RANBP2: variants seen among roughly 807,000 people sequenced by gnomAD.
The protein encoded by RANBP2 is RAN binding protein 2.
RANBP2 carries 57 observed loss-of-function variants against 303.6 expected under a neutral mutation model. The ratio of observed to expected loss-of-function variants is 0.19; its 90% CI spans 0.15 to 0.23. The LOEUF is 0.23. Among genes scored for constraint, RANBP2 ranks in the 10% least tolerant of loss-of-function variants. The pLI is 1.00. For missense variants in RANBP2, 3,138 were observed against 3,780.8 expected (o/e 0.83, Z 4.46); for synonymous variants, 1,167 against 1,301.5 (o/e 0.90, Z 2.23).
At chr2:109,621,492 C>T in the RANBP2 span, among the ~76,000 whole-genome samples, 1 of 151,964 alleles carries the variant, frequency 6.6e-6, no homozygotes, top group African/African-American at 2.4e-5. Context: ...CCTGGGAGCC[C>T]TCCATTAGAA....
At chr2:109,479,864 T>C in the RANBP2 span, among the ~76,000 whole-genome samples, 1 of 152,050 alleles carries the variant, frequency 6.6e-6, no homozygotes, top group South Asian at 2.1e-4. Context: ...CTCAGAGCCT[T>C]CATACGGCAG....
At chr2:108,988,649 C>T in the RANBP2 span, among the ~76,000 whole-genome samples, 1 of 152,176 alleles carries the variant, frequency 6.6e-6, no homozygotes, top group East Asian at 1.9e-4. Flanking sequence ...TTTTCACGCT[C>T]CCTGGAGGAA....
At chr2:109,562,532 A>C in the RANBP2 span, among the ~76,000 whole-genome samples, 3 of 134,136 alleles carry the variant, frequency 2.2e-5, no homozygotes, top group Admixed American at 3.0e-4. Flanking sequence ...TGAATGACTA[A>C]GAATTCTGAC....
the RANBP2 span, among the ~76,000 whole-genome samples, chr2:109,011,530 G>A: frequency 6.6e-6 from 1 of 152,116 alleles, no homozygotes; most frequent in Non-Finnish European, 1.5e-5. Flanking sequence ...AGCACAGTGT[G>A]GTTCAACTTT....
At chr2:109,388,824 CAGAG>C in the RANBP2 span, among the ~76,000 whole-genome samples, 9 of 117,456 alleles carry the variant, frequency 7.7e-5, no homozygotes, top group East Asian at 2.0e-3. Context: ...TCTGGGATGT[CAGAG>C]AGAGACTAGA....
At chr2:108,959,607 C>T in the RANBP2 span, among the ~76,000 whole-genome samples, 1 of 152,168 alleles carries the variant, frequency 6.6e-6, no homozygotes, top group African/African-American at 2.4e-5. Flanking sequence ...GCCTCACACA[C>T]CCTTGGGGCT....
chr2:108,826,694 A>G, the RANBP2 span, among the ~76,000 whole-genome samples: 2 of 152,178 alleles, frequency 1.3e-5, no homozygotes, highest in East Asian at 3.9e-4. Context: ...TGAATCTTCC[A>G]ACTTTGTCCT....
the RANBP2 span, among the ~76,000 whole-genome samples, chr2:109,432,101 C>T: frequency 6.6e-6 from 1 of 152,158 alleles, no homozygotes; most frequent in South Asian, 2.1e-4. Flanking sequence ...GTTTCCCTTG[C>T]TCAGAGCATC....
the RANBP2 span, among the ~76,000 whole-genome samples, chr2:109,164,368 G>T: frequency 6.6e-6 from 1 of 152,178 alleles, no homozygotes; most frequent in Non-Finnish European, 1.5e-5. Flanking sequence ...AATTTTGTTA[G>T]AGATGGGGTC....
the RANBP2 span, chr2:108,816,171 C>A: frequency 1.6e-6 from 2 of 1,233,368 alleles, no homozygotes; most frequent in Non-Finnish European, 2.3e-6. Flanking sequence ...AAAGCCAGGG[C>A]CAGGCACAGT....
the RANBP2 span, among the ~76,000 whole-genome samples, chr2:109,720,282 C>T: frequency 7.0e-6 from 1 of 143,704 alleles, no homozygotes; most frequent in African/African-American, 2.5e-5. Flanking sequence ...CATACACTCA[C>T]ACACACACAC....
chr2:108,964,894 A>G, the RANBP2 span, among the ~76,000 whole-genome samples: 9 of 152,352 alleles, frequency 5.9e-5, no homozygotes, highest in East Asian at 1.5e-3. Context: ...ACTTAATAAC[A>G]GCACGTCTGG....
At chr2:109,194,103 C>T in the RANBP2 span, among the ~76,000 whole-genome samples, 135 of 152,362 alleles carry the variant, frequency 8.9e-4, no homozygotes, top group African/African-American at 3.1e-3. Context: ...CTCCCCAAGA[C>T]GCTGGATGCA....
chr2:109,434,093 A>G, the RANBP2 span, among the ~76,000 whole-genome samples: 1 of 152,172 alleles, frequency 6.6e-6, no homozygotes, highest in South Asian at 2.1e-4. Context: ...CCTGGCCTGG[A>G]GTTGGGCTCA....
At chr2:108,760,642 A>C (rs1389423318) in intron 18 of RANBP2, among the ~76,000 whole-genome samples, 2 of 152,102 alleles carry the variant, frequency 1.3e-5, no homozygotes, top group Admixed American at 6.6e-5. Flanking sequence ...TCAATTTTTA[A>C]GTTTTTTTAA....
the RANBP2 span, among the ~76,000 whole-genome samples, chr2:109,267,920 C>T: frequency 6.6e-6 from 1 of 152,044 alleles, no homozygotes; most frequent in Non-Finnish European, 1.5e-5. Context: ...CACTCCTGGG[C>T]CCCTGGACAG....
At chr2:109,552,216 T>C in the RANBP2 span, among the ~76,000 whole-genome samples, 70 of 152,308 alleles carry the variant, frequency 4.6e-4, 2 homozygotes, top group Admixed American at 4.5e-3. Flanking sequence ...GTGGAAAAAC[T>C]GTCTTCCAGG....
At chr2:109,384,790 G>C in the RANBP2 span, among the ~76,000 whole-genome samples, 1 of 152,172 alleles carries the variant, frequency 6.6e-6, no homozygotes, top group Non-Finnish European at 1.5e-5. Flanking sequence ...GAACCCACAG[G>C]GTCTTGGGCC....
At chr2:109,432,393 T>A in the RANBP2 span, 5 of 1,397,244 alleles carry the variant, frequency 3.6e-6, 1 homozygote, top group South Asian at 6.6e-5. Context: ...CTCTAGTGGG[T>A]CTTTTTAGGT....
Sources: gnomAD v4.1 joint callset for allele counts (sites outside exome capture counted in the v4.1 genomes callset) on GRCh38, gnomAD v4.1.1 for gene constraint, MANE v1.5 for transcripts, NCBI Gene and HGNC (gene_info 2026-07-23, HGNC 2026-07-21) for gene names.